The following CNTNAP2 variants were observed in gnomAD, a reference collection of about 807,000 sequenced individuals.
CNTNAP2 encodes contactin associated protein 2.
A neutral mutation model predicts 155.2 loss-of-function variants in CNTNAP2; 98 were observed. That is an observed-to-expected ratio of 0.63 (90% CI 0.54 to 0.75). The LOEUF (loss-of-function observed/expected upper bound fraction) is 0.75. CNTNAP2 is among the 30% of genes least tolerant of loss of function. The pLI is 0.00. For missense variants in CNTNAP2, 1,727 were observed against 1,688.1 expected (o/e 1.02, Z -0.40); for synonymous variants, 651 against 631.2 (o/e 1.03, Z -0.47).
At chr7:148,224,151 G>A (rs578089886) in intron 19 of CNTNAP2, among the ~76,000 whole-genome samples, 3 of 152,274 alleles carry the variant, frequency 2.0e-5, no homozygotes, top group Admixed American at 6.5e-5. Context: ...ATGAATCAAG[G>A]CAGCTGTATA....
chr7:148,332,886 G>A (rs1798056178), intron 21 of CNTNAP2, among the ~76,000 whole-genome samples: 1 of 152,178 alleles, frequency 6.6e-6, no homozygotes, highest in Admixed American at 6.5e-5. Flanking sequence ...AAGAAACAGA[G>A]CCTAAACCAA....
intron 10 of CNTNAP2, among the ~76,000 whole-genome samples, chr7:147,442,811 G>A (rs1389968899): frequency 6.6e-6 from 1 of 152,086 alleles, no homozygotes; most frequent in East Asian, 1.9e-4. Context: ...TTGCAGGTAG[G>A]GCCTGGAAAG....
chr7:147,252,646 AG>A (rs1804224523), intron 8 of CNTNAP2, among the ~76,000 whole-genome samples: 1 of 152,162 alleles, frequency 6.6e-6, no homozygotes, highest in African/African-American at 2.4e-5. Context: ...ATTGGGGGGA[AG>A]GTGATATGAG....
At chr7:148,400,469 A>G (rs1799558065) in intron 22 of CNTNAP2, among the ~76,000 whole-genome samples, 1 of 152,180 alleles carries the variant, frequency 6.6e-6, no homozygotes, top group Non-Finnish European at 1.5e-5. Context: ...CTCAACGAAG[A>G]GCCGTACGGC....
Position 146,151,682 on chromosome 7 carries a change from GTATA to G in CNTNAP2, c.97+34721_97+34724del, listed in dbSNP as rs775446723. On this transcript the variant is annotated intron_variant, in intron 1 of 23. Transcript: ENST00000361727. Reference sequence around the variant, plus strand: ...TATATATATATATATATATATATATGTATATATATATATATGTATATATATATAT... The same window carrying G: ...TATATATATATATATATATATATATGTATATATATATGTATATATATATAT... 5.4e-4 allele frequency among the ~76,000 whole-genome samples: 40 copies of G among 74,118 alleles called. 2 individuals are homozygous for G. The highest frequency in any genetic ancestry group is 6.6e-3 in the Middle Eastern group (1 of 152). The allele number at this position is 74,118 out of a possible 152,430, so 48.6% of individuals were successfully genotyped here.
intron 1 of CNTNAP2, among the ~76,000 whole-genome samples, chr7:146,646,332 G>A (rs756381843): frequency 4.6e-5 from 7 of 152,112 alleles, no homozygotes; most frequent in Admixed American, 6.6e-5. Context: ...TTGTGTGTGT[G>A]TGCACGTGCA....
intron 1 of CNTNAP2, among the ~76,000 whole-genome samples, chr7:146,740,150 AT>A (rs940169815): frequency 3.2e-4 from 48 of 151,236 alleles, no homozygotes; most frequent in African/African-American, 4.9e-4. Context: ...GTCATTCTTT[AT>A]TTTTTTCTTC....
chr7:148,071,251 C>A (rs140936218), intron 15 of CNTNAP2, among the ~76,000 whole-genome samples: 12 of 151,996 alleles, frequency 7.9e-5, no homozygotes, highest in Non-Finnish European at 1.0e-4. Flanking sequence ...CCGAGACGGG[C>A]GGATTGCCTG....
chr7:147,848,554 C>G (rs1046156670), intron 13 of CNTNAP2, among the ~76,000 whole-genome samples: 6 of 151,546 alleles, frequency 4.0e-5, no homozygotes, highest in African/African-American at 7.3e-5. Flanking sequence ...AATCACCCGT[C>G]TTCTGCGTCA....
intron 1 of CNTNAP2, among the ~76,000 whole-genome samples, chr7:146,222,832 A>AT (rs1465163401): frequency 6.7e-6 from 1 of 150,240 alleles, no homozygotes; most frequent in South Asian, 2.1e-4. Context: ...ATTTTTTTAT[A>AT]TTTTTTTTAG....
At chr7:146,599,809 G>A (rs1395317271) in intron 1 of CNTNAP2, among the ~76,000 whole-genome samples, 1 of 148,552 alleles carries the variant, frequency 6.7e-6, no homozygotes, top group Non-Finnish European at 1.5e-5. Context: ...CTACTGCATC[G>A]TTTGTGCTTA....
chr7:147,378,448 T>C (rs1386458294), intron 9 of CNTNAP2, among the ~76,000 whole-genome samples: 1 of 152,018 alleles, frequency 6.6e-6, no homozygotes, highest in Non-Finnish European at 1.5e-5. Context: ...ATCTTGTCAT[T>C]TGCAACTACA....
intron 15 of CNTNAP2, among the ~76,000 whole-genome samples, chr7:147,992,939 A>G (rs538660859): frequency 4.1e-4 from 63 of 152,276 alleles, no homozygotes; most frequent in African/African-American, 1.3e-3. Flanking sequence ...TGGTATTTAA[A>G]CCTTTAGAAT....
At chr7:146,409,407 A>G (rs761026277) in intron 1 of CNTNAP2, among the ~76,000 whole-genome samples, 1 of 152,218 alleles carries the variant, frequency 6.6e-6, no homozygotes, top group Non-Finnish European at 1.5e-5. Context: ...TTTAGTTTTA[A>G]AGATACATTA....
intron 1 of CNTNAP2, among the ~76,000 whole-genome samples, chr7:146,475,036 C>T (rs908623417): frequency 3.3e-5 from 5 of 152,026 alleles, no homozygotes; most frequent in African/African-American, 1.2e-4. Flanking sequence ...CACACACACA[C>T]ACACGTACTT....
chr7:146,744,111 C>T (rs1801767520), intron 1 of CNTNAP2, among the ~76,000 whole-genome samples: 1 of 151,020 alleles, frequency 6.6e-6, no homozygotes, highest in Non-Finnish European at 1.5e-5. Context: ...CCCTGTAATC[C>T]CAGCTAATTG....
intron 8 of CNTNAP2, among the ~76,000 whole-genome samples, chr7:147,180,226 T>A (rs371738668): frequency 1.3e-5 from 2 of 152,308 alleles, no homozygotes; most frequent in East Asian, 3.9e-4. Context: ...AGTTTGAGAC[T>A]TTCTGATTCT....
rs1230036613 is a variant in CNTNAP2, at chr7:148,420,209, T to TAA, written c.*4594_*4595insAA. On this transcript the variant is annotated 3_prime_UTR_variant, in exon 24 of 24. Coordinates refer to ENST00000361727, the MANE Select transcript of CNTNAP2 (RefSeq NM_014141.6). ...CCTAAATTCCCACCTGAATGTAACT[T>TAA]ACAGCTCCCTTACCTACTCTCACAC... The TAA allele has an allele frequency of 6.6e-6, 1 of 152,224 alleles. No individual in the cohort carries two copies. The highest frequency in any genetic ancestry group is 2.4e-5 in the African/African-American group (1 of 41,460). 9.4% of individuals were successfully genotyped at this position (152,224 alleles called of 1,614,324 possible).
At chr7:147,618,137 C>T (rs1031619079) in intron 12 of CNTNAP2, among the ~76,000 whole-genome samples, 16 of 152,026 alleles carry the variant, frequency 1.1e-4, no homozygotes, top group Non-Finnish European at 1.6e-4. Context: ...GGAATTTATT[C>T]GTTTTATTAA....
Sources: gnomAD v4.1 joint callset for allele counts (sites outside exome capture counted in the v4.1 genomes callset) on GRCh38, gnomAD v4.1.1 for gene constraint, MANE v1.5 for transcripts, NCBI Gene and HGNC (gene_info 2026-07-23, HGNC 2026-07-21) for gene names.